The following DDX11 variants were observed in gnomAD, a reference collection of about 807,000 sequenced individuals.
DDX11 encodes ATP-dependent DNA helicase DDX11.
In DDX11, 72 loss-of-function variants were observed where a neutral mutation model predicts 125.2. The observed-to-expected ratio is 0.58, with a 90% CI of 0.48 to 0.70. DDX11 has a LOEUF of 0.70. Ranked by LOEUF, DDX11 falls within the 30% of genes least tolerant of loss-of-function variation. The pLI, the probability that DDX11 is intolerant of heterozygous loss-of-function variation, is 0.00. For missense variants in DDX11, 883 were observed against 1,165.0 expected, an observed-to-expected ratio of 0.76 and a Z score of 3.52; for synonymous variants, 347 against 452.6, an observed-to-expected ratio of 0.77 and a Z score of 2.96.
chr12:31,097,019 G>A, intron 17 of DDX11, 29 bp downstream of exon 17: 9 of 1,612,548 alleles, frequency 5.6e-6, no homozygotes, highest in Non-Finnish European at 7.6e-6. Context: ...GCCAGGTTCA[G>A]TTCCCAGGAA....
At chr12:31,075,693 T>C (rs2140367404) in intron 1 of DDX11, among the ~76,000 whole-genome samples, 1 of 152,348 alleles carries the variant, frequency 6.6e-6, no homozygotes, top group Middle Eastern at 3.4e-3. Flanking sequence ...GGCTGGCTAC[T>C]CATTCGTTCA....
intron 2 of DDX11, among the ~76,000 whole-genome samples, chr12:31,083,405 G>A (rs1264008977): frequency 2.0e-5 from 3 of 152,064 alleles, no homozygotes; most frequent in African/African-American, 4.8e-5. Context: ...CGAAGGCCGC[G>A]CGGTCACTCT....
intron 2 of DDX11, among the ~76,000 whole-genome samples, chr12:31,082,350 T>C (rs1284740563): frequency 6.6e-6 from 1 of 151,800 alleles, no homozygotes; most frequent in Non-Finnish European, 1.5e-5. Context: ...ACCAGCTCTA[T>C]GAGGAAGGTG....
At chr12:31,076,267 G>A (rs1028287267) in intron 1 of DDX11, among the ~76,000 whole-genome samples, 1 of 152,190 alleles carries the variant, frequency 6.6e-6, no homozygotes, top group African/African-American at 2.4e-5. Flanking sequence ...GTGCGCTGAG[G>A]GAGTGAGATT....
rs530054360 is a variant in DDX11 at position 31,093,529 on chromosome 12, A to G, written c.1369+205A>G. On this transcript the variant is annotated intron_variant, in intron 12 of 26. Transcript: ENST00000542838. ...TAGGAGTTTTGAGACCAGCCTGGCC[A>G]ACATGGTGAAATCCCATCTCTACTA... 5.2e-5 allele frequency: 37 copies of G among 710,698 alleles called. No homozygotes were observed. The South Asian group carries it at 5.4e-4, about 10-fold the overall frequency. The allele number at this position is 710,698 out of a possible 1,614,324, so 44.0% of individuals were successfully genotyped here.
chr12:31,084,025 G>T lies in DDX11; in HGVS notation c.357G>T (p.Gln119His), dbSNP rs1365053979. 1 of 1,613,984 alleles carries T rather than the reference G, an allele frequency of 6.2e-7. No individual in the cohort carries two copies. Among genetic ancestry groups the T allele is most frequent in the Admixed American group, 1.7e-5 (1 of 60,020 alleles). The stretch of plus-strand genomic sequence containing the variant: ...CGGCCTGGGTTACTCAGTTTGTGCA[G>T]AAGAAAGAAGAGAGGGACCTGGTGG... ...GEPAWVTQFVQKKEERDLVDR... is the reference protein window; with the variant it reads ...GEPAWVTQFVHKKEERDLVDR... The change falls in exon 3 of 27, where the codon CAG becomes CAT. Residue 119 changes from glutamine to histidine, a missense_variant. Coordinates refer to ENST00000542838, the MANE Select transcript of DDX11 (RefSeq NM_030653.4).
chr12:31,103,676 G>A lies in DDX11; in HGVS notation c.2636G>A (p.Arg879Gln), dbSNP rs754091762. ...PVLAKLPAWI[R>Q]ARVEVKATFG... ...CTGGCCAAGCTGCCGGCCTGGATCC[G>A]AGCCCGTGTGGAGGTCAAAGCTACC... is the stretch of plus-strand genomic sequence containing the variant. Residue 879 changes from arginine (R) to glutamine (Q), a missense_variant, in exon 26 of 27, where the codon CGA becomes CAA. Physicochemically the swap from Arg to Gln is conservative, Grantham distance 43. Around this residue, in one of 5 missense-constraint regions of DDX11, gnomAD observed 285 missense variants for 346.0 expected, o/e 0.82. Transcript: ENST00000542838. 22 of 1,613,918 alleles carry A rather than the reference G, an allele frequency of 1.4e-5. No homozygotes were observed. The highest frequency in any genetic ancestry group is 1.7e-4 in the Middle Eastern group (1 of 6,012).
At chr12:31,085,338 C>T (rs1247499500) in intron 5 of DDX11, among the ~76,000 whole-genome samples, 1 of 152,240 alleles carries the variant, frequency 6.6e-6, no homozygotes, top group East Asian at 1.9e-4. Flanking sequence ...CAGCTGTCCT[C>T]ACGGCAGCTC....
At position 31,092,833 on chromosome 12, in the gene DDX11, G is replaced by T. The variant is rs759748182; in HGVS notation, c.1243-13G>T. ...GCTGCTTGCTCAGAGCCTGGTTTGTGTTCTTTCCCCAGCTCTGCCAGGCCC... is the reference window on the plus strand; with the variant it reads ...GCTGCTTGCTCAGAGCCTGGTTTGTTTTCTTTCCCCAGCTCTGCCAGGCCC... On this transcript the variant is annotated splice_polypyrimidine_tract_variant and intron_variant, in intron 10 of 26. Coordinates refer to ENST00000542838, the MANE Select transcript of DDX11 (RefSeq NM_030653.4). 7 of 1,613,666 alleles carry T rather than the reference G, an allele frequency of 4.3e-6. No homozygotes were observed. In the African/African-American group the frequency reaches 8.0e-5, roughly 18 times the overall value.
In DDX11 at chr12:31,078,385, C is replaced by T; in HGVS notation, c.-4-5C>T. 1.2e-6 allele frequency: 2 copies of T among 1,609,400 alleles called. No individual in the cohort carries two copies. The highest frequency in any genetic ancestry group is 1.1e-5 in the South Asian group (1 of 90,206). ...GCTCCCTAATGTTGTATTTATTTTT[C>T]CTAGGTCCATGGCTAATGAAACACA... On this transcript the variant is annotated splice_region_variant and splice_polypyrimidine_tract_variant and intron_variant, in intron 1 of 26. Transcript: ENST00000542838.
chr12:31,098,744 C>G (rs1211892199), intron 18 of DDX11, among the ~76,000 whole-genome samples: 1 of 152,194 alleles, frequency 6.6e-6, no homozygotes, highest in Non-Finnish European at 1.5e-5. Flanking sequence ...TGGATAGATT[C>G]ATAGTTTTAT....
rs115558646 is a variant in DDX11 at position 31,094,951 on chromosome 12, C to T, written c.1482+129C>T. 1,650 of 987,280 alleles carry T rather than the reference C, an allele frequency of 1.7e-3. 11 individuals carry two copies. The African/African-American group carries it at 0.021, about 13-fold the overall frequency. 61.2% of individuals were successfully genotyped at this position (987,280 alleles called of 1,614,324 possible). The stretch of plus-strand genomic sequence containing the variant: ...AGATGTGTAATTACTTAACCCTTAA[C>T]GCAACATGCCTGTGAGACAAAAGTC... On this transcript the variant is annotated intron_variant, in intron 14 of 26. Transcript: ENST00000542838.
chr12:31,101,134 A>G lies in DDX11; in HGVS notation c.2052+4A>G, dbSNP rs1313137109. ...GAAAAGAGAGCTGCCTCAGATGGTC[A>G]GTCCCAGCCAGCTCGCCGCACCACA... On this transcript the variant is annotated splice_donor_region_variant and intron_variant, in intron 20 of 26. Transcript: ENST00000542838. 1.9e-6 allele frequency: 3 copies of G among 1,613,726 alleles called. No homozygotes were observed. Among genetic ancestry groups the G allele is most frequent in the Non-Finnish European group, 2.5e-6 (3 of 1,179,594 alleles).
rs753933860 is a variant in DDX11, at chr12:31,084,604, C to G, written c.415C>G (p.Gln139Glu). Reference sequence around the variant, plus strand: ...GTAGGCGGAGCAGGCCAGGAGGAAGCAGCGAGAAGAACGCCTGCAGCAGCT... The same window carrying G: ...GTAGGCGGAGCAGGCCAGGAGGAAGGAGCGAGAAGAACGCCTGCAGCAGCT... Reference protein sequence around the residue: ...RLKAEQARRKQREERLQQLQH... With the variant: ...RLKAEQARRKEREERLQQLQH... Residue 139 changes from glutamine (Q) to glutamate (E), a missense_variant, in exon 4 of 27, where the codon CAG becomes GAG. Gln to Glu is a conservative substitution (Grantham distance 29). This residue lies in a region of DDX11 where 283 missense variants were observed against 359.6 expected (regional missense o/e 0.79). Transcript: ENST00000542838. The G allele has an allele frequency of 4.4e-6, 7 of 1,598,422 alleles. No individual in the cohort carries two copies. The African/African-American group carries it at 6.7e-5, about 15-fold the overall frequency.
intron 1 of DDX11, chr12:31,078,095 A>C: frequency 1.2e-6 from 1 of 821,228 alleles, no homozygotes; most frequent in Non-Finnish European, 1.8e-6. Flanking sequence ...CCTTTTGTAG[A>C]GGCATTAGAA....
In DDX11 at chr12:31,085,091, A is replaced by G; in HGVS notation, c.603A>G (p.Glu201=). Reference sequence around the variant, plus strand: ...GGGAGGAGGAGCTGGTCCTCGCCGAATACGAGAGTGATGAGGAGAAAAAGG... The same window carrying G: ...GGGAGGAGGAGCTGGTCCTCGCCGAGTACGAGAGTGATGAGGAGAAAAAGG... ...ESGEEELVLA[E]YESDEEKKVA... is the part of the protein sequence containing the mutation. The change falls in exon 5 of 27, where the codon GAA becomes GAG. Residue 201 remains glutamate (E), a synonymous_variant. Transcript: ENST00000542838. The G allele has an allele frequency of 6.3e-7, 1 of 1,586,520 alleles. No individual in the cohort carries two copies. The highest frequency in any genetic ancestry group is 8.6e-7 in the Non-Finnish European group (1 of 1,165,734).
intron 8 of DDX11, 83 bp downstream of exon 8, chr12:31,089,573 T>C (rs1943814753): frequency 9.7e-6 from 14 of 1,444,626 alleles, no homozygotes; most frequent in Non-Finnish European, 1.3e-5. Context: ...CCATTAAGTG[T>C]CTTTCATAGA....
At chr12:31,102,366 A>G (rs748350108) in intron 22 of DDX11, 55 bp downstream of exon 22, 16 of 1,609,598 alleles carry the variant, frequency 9.9e-6, no homozygotes, top group East Asian at 2.2e-5. Flanking sequence ...GGCAGCTGGA[A>G]ACGTTGTGGG....
chr12:31,094,556 C>G (rs761042550), intron 12 of DDX11, 34 bp from the exon 13 acceptor site: 6 of 1,565,864 alleles, frequency 3.8e-6, no homozygotes, highest in Non-Finnish European at 5.2e-6. Context: ...TCCTGAGAAC[C>G]AGCATTGTGA....
Sources: allele counts gnomAD v4.1 joint callset (sites outside exome capture counted in the v4.1 genomes callset), GRCh38; gene constraint gnomAD v4.1.1; regional missense constraint gnomAD v4.1.1; transcripts MANE v1.5; gene names NCBI Gene and HGNC (gene_info 2026-07-23, HGNC 2026-07-21).